The following FKBP15 variants were observed in gnomAD, a reference collection of about 807,000 sequenced individuals.
The protein encoded by FKBP15 is FKBP prolyl isomerase family member 15.
A neutral mutation model predicts 158.1 loss-of-function variants in FKBP15; 106 were observed. That is an observed-to-expected ratio of 0.67 (90% CI 0.57 to 0.79). The LOEUF (loss-of-function observed/expected upper bound fraction) is 0.79, where lower values mean the gene tolerates loss of function less well. FKBP15 is among the 30% of genes least tolerant of loss of function. The pLI is 0.00. For missense variants in FKBP15, 1,287 were observed against 1,479.1 expected (o/e 0.87, Z 2.13); for synonymous variants, 547 against 548.6 (o/e 1.00, Z 0.04).
At position 113,168,599 on chromosome 9, in the gene FKBP15, C is replaced by G. The variant is rs188830989; in HGVS notation, c.3486-43G>C. ...CATAGAAAATGTTATTGTTCCTGCTCCAGGTCACAGTACCCACCACCTACA... is the reference window on the plus strand; with the variant it reads ...CATAGAAAATGTTATTGTTCCTGCTGCAGGTCACAGTACCCACCACCTACA... On this transcript the variant is annotated intron_variant, in intron 26 of 27. Coordinates refer to ENST00000238256, the MANE Select transcript of FKBP15 (RefSeq NM_015258.2). The G allele has an allele frequency of 5.7e-6, 9 of 1,574,762 alleles. No homozygotes were observed. In the African/African-American group the frequency reaches 1.2e-4, roughly 21 times the overall value.
intron 9 of FKBP15, among the ~76,000 whole-genome samples, chr9:113,196,236 G>A (rs74618966): frequency 0.065 from 9,837 of 151,976 alleles, 526 homozygotes; most frequent in East Asian, 0.24. Flanking sequence ...GTAGTAAAAC[G>A]TACACACACA....
At position 113,169,180 on chromosome 9, in the gene FKBP15, C is replaced by T. The variant is rs751489472; in HGVS notation, c.3485+44G>A. ...CTGGAAAAAACAGAGACACTCACCA[C>T]AGATAACTACCCTGTCCCTGAAGCA... On this transcript the variant is annotated intron_variant, in intron 26 of 27. Transcript: ENST00000238256. 8 of 1,557,054 alleles carry T rather than the reference C, an allele frequency of 5.1e-6. No individual in the cohort carries two copies. The East Asian group carries it at 6.8e-5, about 13-fold the overall frequency.
At chr9:113,168,976 A>ACACTACCACAGGGCCCG (rs1564146882) in intron 26 of FKBP15, among the ~76,000 whole-genome samples, 1 of 59,052 alleles carries the variant, frequency 1.7e-5, no homozygotes. Context: ...CACAGGGCCC[A>ACACTACCACAGGGCCCG]CCACACTACC....
At chr9:113,177,781 C>A (rs1291596227) in intron 20 of FKBP15, among the ~76,000 whole-genome samples, 2 of 152,178 alleles carry the variant, frequency 1.3e-5, no homozygotes, top group Non-Finnish European at 2.9e-5. Context: ...CCCACTAGTC[C>A]CATGTCTGCC....
rs1327041121 is a variant in FKBP15, at chr9:113,161,644, C to T, written c.*4434G>A. 1 of 1,613,908 alleles carries T rather than the reference C, an allele frequency of 6.2e-7. No individual in the cohort carries two copies. The highest frequency in any genetic ancestry group is 1.3e-5 in the African/African-American group (1 of 74,936). Reference sequence around the variant, plus strand: ...ATCAGCCAGCAGACCATCGCAGAGACAGACGGGGACTCTGCAGGCTCAGAT... The same window carrying T: ...ATCAGCCAGCAGACCATCGCAGAGATAGACGGGGACTCTGCAGGCTCAGAT... On this transcript the variant is annotated 3_prime_UTR_variant, in exon 28 of 28. Transcript: ENST00000238256.
intron 5 of FKBP15, 65 bp downstream of exon 5, chr9:113,202,896 C>G: frequency 7.8e-7 from 1 of 1,284,594 alleles, no homozygotes. Context: ...TAGGTACAAT[C>G]AGACCAGTCT....
chr9:113,217,339 C>T (rs1028058998), intron 1 of FKBP15, among the ~76,000 whole-genome samples: 7 of 151,012 alleles, frequency 4.6e-5, no homozygotes, highest in Admixed American at 1.3e-4. Context: ...CAGCCTCCCA[C>T]GTAGCTGGGA....
At chr9:113,175,286 A>G (rs1055852736) in intron 21 of FKBP15, among the ~76,000 whole-genome samples, 1 of 152,220 alleles carries the variant, frequency 6.6e-6, no homozygotes, top group African/African-American at 2.4e-5. Context: ...AGTCATAAAG[A>G]GTGTGTTACA....
chr9:113,188,538 T>C (rs1238145206), intron 12 of FKBP15, 47 bp from the exon 13 acceptor site: 4 of 1,481,368 alleles, frequency 2.7e-6, no homozygotes, highest in Admixed American at 1.7e-5. Flanking sequence ...GGGTCCCTCA[T>C]TGAAGACTGA....
intron 2 of FKBP15, among the ~76,000 whole-genome samples, chr9:113,210,993 G>A (rs1830989968): frequency 1.3e-5 from 2 of 152,120 alleles, no homozygotes; most frequent in South Asian, 2.1e-4. Context: ...TTTGAGACTC[G>A]GACTGATCCA....
chr9:113,194,253 C>T, intron 9 of FKBP15, 84 bp from the exon 10 acceptor site: 1 of 1,089,738 alleles, frequency 9.2e-7, no homozygotes, highest in Non-Finnish European at 1.3e-6. Context: ...ACATCACACT[C>T]TGGGGACTGT....
chr9:113,168,175 C>G (rs1830127215), intron 27 of FKBP15, among the ~76,000 whole-genome samples: 1 of 152,186 alleles, frequency 6.6e-6, no homozygotes. Context: ...CTTCAGCATT[C>G]CAATGTGGGG....
chr9:113,172,518 C>G (rs2118866905), intron 23 of FKBP15, among the ~76,000 whole-genome samples: 1 of 152,272 alleles, frequency 6.6e-6, no homozygotes, highest in East Asian at 1.9e-4. Flanking sequence ...CTCTAAACAT[C>G]AAGTCTTAAC....
rs181387854 is a variant in FKBP15, at chr9:113,211,482, G to A, written c.164C>T (p.Ala55Val). The stretch of plus-strand genomic sequence containing the variant: ...CTAATACACTCTTAACTTACCTGTT[G>A]CTGCCGTTCCCTGGCCTTTCTTAGG... ...KQPKKGQGTA[A>V]TGNQATPKTA... The change falls in exon 2 of 28, where the codon GCA (alanine) becomes GTA (valine). Residue 55 changes from alanine (A) to valine (V), a missense_variant. By Grantham distance (64) the Ala-to-Val change is moderately conservative (BLOSUM62 0). Coordinates refer to ENST00000238256, the MANE Select transcript of FKBP15 (RefSeq NM_015258.2). The A allele has an allele frequency of 6.1e-5, 98 of 1,605,476 alleles. 1 individual carries two copies. The Admixed American group carries it at 1.7e-3, about 27-fold the overall frequency.
rs1830006367 is a variant in FKBP15, at chr9:113,161,175, C to T, written c.*4903G>A. 4.3e-6 allele frequency: 1 copy of T among 235,058 alleles called. No individual in the cohort carries two copies. The highest frequency in any genetic ancestry group is 8.1e-6 in the Non-Finnish European group (1 of 123,678). The allele number at this position is 235,058 out of a possible 1,614,324, so 14.6% of individuals were successfully genotyped here. ...TTTCCTTCCAGACATTTTTTGCATA[C>T]TTACATATAAATAGGACCTTGCAGT... On this transcript the variant is annotated 3_prime_UTR_variant, in exon 28 of 28. Transcript: ENST00000238256.
intron 13 of FKBP15, among the ~76,000 whole-genome samples, 156 bp downstream of exon 13, chr9:113,188,233 G>A (rs536863116): frequency 5.9e-5 from 9 of 152,308 alleles, no homozygotes; most frequent in African/African-American, 2.2e-4. Context: ...GTATGAAAAT[G>A]CCTTACCCAG....
chr9:113,169,629 G>A lies in FKBP15; in HGVS notation c.3080C>T (p.Pro1027Leu). The part of the protein sequence containing the change: ...LSEIKDGSLP[P>L]ELSCIPSHRV... The stretch of plus-strand genomic sequence containing the variant: ...GTGGGATGGGATGCAAGACAGTTCG[G>A]GTGGAAGGGAACCATCTTTTATCTC... Residue 1027 changes from proline to leucine, a missense_variant, in exon 26 of 28, where the codon CCC becomes CTC. Pro to Leu is a moderately conservative substitution (Grantham distance 98). Coordinates refer to ENST00000238256, the MANE Select transcript of FKBP15 (RefSeq NM_015258.2). 1 of 1,614,012 alleles carries A rather than the reference G, an allele frequency of 6.2e-7. No individual in the cohort carries two copies. The highest frequency in any genetic ancestry group is 8.5e-7 in the Non-Finnish European group (1 of 1,179,886).
chr9:113,196,916 A>G lies in FKBP15; in HGVS notation c.864+16T>C, dbSNP rs1377722529. 1 of 1,612,862 alleles carries G rather than the reference A, an allele frequency of 6.2e-7. No individual in the cohort carries two copies. ...GCAGAGGACTCATCAAACAAAACAC[A>G]GAGAGTTTCACTCACCCGCCTAACC... On this transcript the variant is annotated intron_variant, in intron 9 of 27. Transcript: ENST00000238256.
At chr9:113,170,049 C>T (rs1830177722) in intron 25 of FKBP15, 107 bp from the exon 26 acceptor site, 1 of 1,381,522 alleles carries the variant, frequency 7.2e-7, no homozygotes, top group Non-Finnish European at 9.5e-7. Flanking sequence ...TGCTTCTTTC[C>T]TGTTAAAAGA....
Sources: gnomAD v4.1 joint callset for allele counts (sites outside exome capture counted in the v4.1 genomes callset) on GRCh38, gnomAD v4.1.1 for gene constraint, MANE v1.5 for transcripts, NCBI Gene and HGNC (gene_info 2026-07-23, HGNC 2026-07-21) for gene names.